UBE4B: variants seen among roughly 807,000 people sequenced by gnomAD.
The protein encoded by UBE4B is ubiquitination factor E4B.
A neutral mutation model predicts 148.1 loss-of-function variants in UBE4B; 27 were observed. The ratio of observed to expected loss-of-function variants is 0.18; its 90% confidence interval spans 0.13 to 0.25. UBE4B has a LOEUF of 0.25. UBE4B is among the 10% of genes least tolerant of loss of function. UBE4B has a pLI of 1.00. For synonymous variants in UBE4B, 596 were observed against 619.3 expected (o/e 0.96, Z 0.56); for missense variants, 1,170 against 1,662.4 (o/e 0.70, Z 5.15).
chr1:10,135,102 C>G lies in UBE4B; in HGVS notation c.2140C>G (p.Pro714Ala). The G allele has an allele frequency of 6.2e-7, 1 of 1,613,936 alleles. No homozygotes were observed. ...AGTTGATCCCACGTATATTTTTCAC[C>G]CAAGATGTCGGATTACTCTTCCCAA... ...ETVDPTYIFH[P>A]RCRITLPNDE... is the part of the protein sequence containing the mutation. The change falls in exon 16 of 28, where the codon CCA (proline) becomes GCA (alanine). Residue 714 changes from proline to alanine, a missense_variant. Physicochemically the swap from Pro to Ala is conservative, Grantham distance 27. Transcript: ENST00000343090.
rs926926423 is a variant in UBE4B, at chr1:10,072,606, G to A, written c.211+392G>A. The A allele has an allele frequency of 5.3e-5, 35 of 660,356 alleles. No homozygotes were observed. In the East Asian group the frequency reaches 6.4e-4, roughly 12 times the overall value. 40.9% of individuals were successfully genotyped at this position (660,356 alleles called of 1,614,324 possible). A position where few individuals can be genotyped will look rare whatever the true frequency, so the allele number is the denominator to read the frequency against. Reference sequence around the variant, plus strand: ...AACACCTCTAATTGCAGATTTCCTCGTCTTCATTCTGCATTGGCACAGAAC... The same window carrying A: ...AACACCTCTAATTGCAGATTTCCTCATCTTCATTCTGCATTGGCACAGAAC... On this transcript the variant is annotated intron_variant, in intron 2 of 27. Transcript: ENST00000343090.
intron 1 of UBE4B, among the ~76,000 whole-genome samples, chr1:10,050,446 C>T (rs1644012186): frequency 2.6e-5 from 4 of 152,150 alleles, no homozygotes; most frequent in Admixed American, 2.6e-4. Context: ...CACTAAGGGT[C>T]TGCAGCAGCT....
In UBE4B at chr1:10,033,579, C is replaced by T; in HGVS notation, c.-92C>T. On this transcript the variant is annotated 5_prime_UTR_variant, in exon 1 of 28. Coordinates refer to ENST00000343090, the MANE Select transcript of UBE4B (RefSeq NM_001105562.3). ...TCCCCCATTCGGGGGACCAGACAGCCTGATAGACACCTTCCACTCTCCTTC... is the reference window on the plus strand; with the variant it reads ...TCCCCCATTCGGGGGACCAGACAGCTTGATAGACACCTTCCACTCTCCTTC... 1 of 1,399,698 alleles carries T rather than the reference C, an allele frequency of 7.1e-7. No individual in the cohort carries two copies. The highest frequency in any genetic ancestry group is 2.7e-5 in the East Asian group (1 of 36,886). The allele number at this position is 1,399,698 out of a possible 1,614,324, so 86.7% of individuals were successfully genotyped here.
intron 12 of UBE4B, among the ~76,000 whole-genome samples, chr1:10,129,655 T>C (rs190565107): frequency 4.6e-5 from 7 of 152,148 alleles, no homozygotes; most frequent in African/African-American, 1.4e-4. Context: ...ATGATTTTTT[T>C]CCCTTTTTTT....
chr1:10,161,337 A>G lies in UBE4B; in HGVS notation c.3198+51A>G. The G allele has an allele frequency of 6.3e-7, 1 of 1,593,578 alleles. No individual in the cohort carries two copies. Among genetic ancestry groups the G allele is most frequent in the Non-Finnish European group, 8.6e-7 (1 of 1,166,420 alleles). ...ACAGCTTTGCAGGCCATCTGCCTCCACACACGGGCAGAGCTGCTTTGGGGC... is the reference window on the plus strand; with the variant it reads ...ACAGCTTTGCAGGCCATCTGCCTCCGCACACGGGCAGAGCTGCTTTGGGGC... On this transcript the variant is annotated intron_variant, in intron 23 of 27. Coordinates refer to ENST00000343090, the MANE Select transcript of UBE4B (RefSeq NM_001105562.3). The surrounding 1 kb of genome is among the most constrained non-coding windows in gnomAD (Gnocchi z 4.1).
intron 4 of UBE4B, 35 bp from the exon 5 acceptor site, chr1:10,102,913 T>C: frequency 1.9e-6 from 3 of 1,577,616 alleles, no homozygotes; most frequent in Non-Finnish European, 2.6e-6. Context: ...ATACCTCTTA[T>C]TTGAAATTAA....
At position 10,072,176 on chromosome 1, in the gene UBE4B, A is replaced by G. The variant is rs1361676211; in HGVS notation, c.173A>G (p.His58Arg). Reference protein sequence around the residue: ...GPSQSLGLNVHNMTPATSPIG... With the variant: ...GPSQSLGLNVRNMTPATSPIG... ...TCTCAGAGTCTTGGTCTCAATGTCC[A>G]CAACATGACCCCAGCTACCTCCCCA... The change falls in exon 2 of 28, where the codon CAC (histidine) becomes CGC (arginine). Residue 58 changes from histidine to arginine, a missense_variant. Around this residue, in one of 6 missense-constraint regions of UBE4B, gnomAD observed 127 missense variants for 153.2 expected, o/e 0.83. Coordinates refer to ENST00000343090, the MANE Select transcript of UBE4B (RefSeq NM_001105562.3). 6.2e-7 allele frequency: 1 copy of G among 1,613,924 alleles called. No homozygotes were observed. Among genetic ancestry groups the G allele is most frequent in the East Asian group, 2.2e-5 (1 of 44,856 alleles).
chr1:10,131,579 G>C (rs1240674107), intron 14 of UBE4B, among the ~76,000 whole-genome samples: 1 of 152,026 alleles, frequency 6.6e-6, no homozygotes, highest in African/African-American at 2.4e-5. Context: ...TATTAAAACT[G>C]TAACTGCCGG....
chr1:10,135,719 G>A (rs1433763134), intron 16 of UBE4B, among the ~76,000 whole-genome samples: 1 of 118,320 alleles, frequency 8.5e-6, no homozygotes, highest in Non-Finnish European at 1.6e-5. Context: ...CTGGGCAACA[G>A]AGTGAGACTC....
intron 3 of UBE4B, among the ~76,000 whole-genome samples, chr1:10,099,442 G>A (rs1644975522): frequency 6.6e-6 from 1 of 152,042 alleles, no homozygotes; most frequent in Non-Finnish European, 1.5e-5. Flanking sequence ...AGCAAAAGAA[G>A]TATAAAATTT....
intron 21 of UBE4B, among the ~76,000 whole-genome samples, chr1:10,155,041 C>T (rs1646044510): frequency 1.3e-5 from 2 of 151,832 alleles, no homozygotes; most frequent in African/African-American, 4.8e-5. Flanking sequence ...AGTCAGTGTT[C>T]TGGGCCTGTC....
intron 10 of UBE4B, among the ~76,000 whole-genome samples, chr1:10,124,871 A>G (rs1347896005): frequency 6.6e-6 from 1 of 152,154 alleles, no homozygotes; most frequent in Non-Finnish European, 1.5e-5. Context: ...CACGCCTGTA[A>G]TCCTAGCACT....
intron 21 of UBE4B, among the ~76,000 whole-genome samples, chr1:10,155,015 G>A (rs1266253181): frequency 6.6e-6 from 1 of 151,892 alleles, no homozygotes; most frequent in African/African-American, 2.4e-5. Flanking sequence ...AACAATTTTA[G>A]TTAAATTTAT....
chr1:10,159,713 T>C (rs981780552), intron 22 of UBE4B, among the ~76,000 whole-genome samples: 2 of 151,480 alleles, frequency 1.3e-5, no homozygotes, highest in Non-Finnish European at 2.9e-5. Context: ...ATAAAAATTT[T>C]ATCCCACCTA....
chr1:10,047,322 G>A (rs185457994), intron 1 of UBE4B, among the ~76,000 whole-genome samples: 3 of 152,102 alleles, frequency 2.0e-5, no homozygotes, highest in Admixed American at 2.0e-4. Context: ...CTGCTAGGGG[G>A]CCAGACTCAT....
Position 10,149,232 on chromosome 1 carries a change from G to A in UBE4B, c.2640G>A (p.Leu880=), listed in dbSNP as rs762555563. The A allele has an allele frequency of 8.1e-6, 13 of 1,611,150 alleles. No homozygotes were observed. Among genetic ancestry groups the A allele is most frequent in the Non-Finnish European group, 1.1e-5 (13 of 1,179,178 alleles). Reference sequence around the variant, plus strand: ...ATGTCCCCAAGGTATTTGCAGCGTTGCCTGAGTTTTATGTAGAAGATGTTG... The same window carrying A: ...ATGTCCCCAAGGTATTTGCAGCGTTACCTGAGTTTTATGTAGAAGATGTTG... ...NSDVPKVFAA[L]PEFYVEDVAE... Residue 880 remains leucine, a synonymous_variant, in exon 20 of 28, where the codon TTG becomes TTA. Transcript: ENST00000343090.
intron 1 of UBE4B, among the ~76,000 whole-genome samples, chr1:10,065,288 G>A (rs2101820090): frequency 6.6e-6 from 1 of 152,268 alleles, no homozygotes; most frequent in African/African-American, 2.4e-5. Context: ...TAACATTTGA[G>A]CAAAGATCCA....
rs577145091 is a variant in UBE4B at position 10,141,531 on chromosome 1, A to T, written c.2364-3409A>T. Among the ~76,000 whole-genome samples the T allele has an allele frequency of 2.6e-5, 4 of 152,292 alleles. No individual in the cohort carries two copies. The East Asian group carries it at 7.7e-4, about 29-fold the overall frequency. On this transcript the variant is annotated intron_variant, in intron 17 of 27. Transcript: ENST00000343090. ...CTAAGACTATAATTGTGTGGTTTGG[A>T]GCCACTGAGGTTGTGGTAACTTGTT...
chr1:10,172,681 T>C (rs1571031747), intron 25 of UBE4B, among the ~76,000 whole-genome samples: 1 of 152,208 alleles, frequency 6.6e-6, no homozygotes, highest in Non-Finnish European at 1.5e-5. Context: ...AATATTACAA[T>C]AGAAGCATTG....
Sources: gnomAD v4.1 joint callset for allele counts (sites outside exome capture counted in the v4.1 genomes callset) on GRCh38, gnomAD v4.1.1 for gene constraint, gnomAD v4.1.1 regional missense constraint, Gnocchi (gnomAD v3.1) non-coding constraint, MANE v1.5 for transcripts, NCBI Gene and HGNC (gene_info 2026-07-23, HGNC 2026-07-21) for gene names.